SORCS2: variants seen among roughly 807,000 people sequenced by gnomAD.
SORCS2 encodes the protein sortilin related VPS10 domain containing receptor 2.
In SORCS2, 100 loss-of-function variants were observed where a neutral mutation model predicts 141.6. That is an observed-to-expected ratio of 0.71 (90% confidence interval 0.60 to 0.83). SORCS2 has a LOEUF of 0.83. Ranked by LOEUF, SORCS2 falls within the 40% of genes least tolerant of loss-of-function variation. The pLI, the probability that SORCS2 is intolerant of heterozygous loss-of-function variation, is 0.00. For synonymous variants in SORCS2, 789 were observed against 676.9 expected (o/e 1.17, Z -2.57); for missense variants, 1,646 against 1,560.2 (o/e 1.05, Z -0.93).
chr4:7,312,490 T>TC (rs34746859), intron 1 of SORCS2, among the ~76,000 whole-genome samples: 33,950 of 151,976 alleles, frequency 0.22, 4,602 homozygotes, highest in South Asian at 0.47. Context: ...TCATCCTGGC[T>TC]CCCCCTTCTC....
At position 7,740,753 on chromosome 4, in the gene SORCS2, C is replaced by T. The variant is rs1009608704; in HGVS notation, c.*489C>T. The T allele has an allele frequency of 3.1e-6, 1 of 325,738 alleles. No individual in the cohort carries two copies. Among genetic ancestry groups the T allele is most frequent in the Non-Finnish European group, 5.6e-6 (1 of 179,250 alleles). The allele number at this position is 325,738 out of a possible 1,614,324, so 20.2% of individuals were successfully genotyped here. On this transcript the variant is annotated 3_prime_UTR_variant, in exon 27 of 27. Transcript: ENST00000507866. The stretch of plus-strand genomic sequence containing the variant: ...CAGTCCCTCTGTGGGAGCCCGGGTG[C>T]CAGGCCCTCCCAACACCACACCACC...
At chr4:7,447,432 C>T (rs1386347114) in intron 2 of SORCS2, among the ~76,000 whole-genome samples, 1 of 152,200 alleles carries the variant, frequency 6.6e-6, no homozygotes, top group Non-Finnish European at 1.5e-5. Context: ...TGTCCATTTT[C>T]CAGATGGGAA....
chr4:7,236,563 T>C, intron 1 of SORCS2, among the ~76,000 whole-genome samples: 1 of 152,096 alleles, frequency 6.6e-6, no homozygotes, highest in East Asian at 1.9e-4. Context: ...TGTTACCGGT[T>C]TCTTACCATG....
intron 11 of SORCS2, among the ~76,000 whole-genome samples, chr4:7,692,055 C>T (rs1724292786): frequency 1.3e-5 from 2 of 152,200 alleles, no homozygotes; most frequent in Non-Finnish European, 2.9e-5. Context: ...TCTATTCAGT[C>T]TTGGCCAGGG....
chr4:7,263,901 G>T (rs545604329), intron 1 of SORCS2, among the ~76,000 whole-genome samples: 15 of 152,184 alleles, frequency 9.9e-5, no homozygotes, highest in Non-Finnish European at 2.1e-4. Flanking sequence ...CGTTCCCACC[G>T]TGGGCCGTGG....
intron 2 of SORCS2, among the ~76,000 whole-genome samples, chr4:7,485,653 G>A (rs1368016074): frequency 5.9e-5 from 9 of 152,228 alleles, no homozygotes; most frequent in Non-Finnish European, 1.0e-4. Context: ...AGGTTGTACC[G>A]GCCAGGCCGT....
At chr4:7,262,984 T>G (rs923045346) in intron 1 of SORCS2, among the ~76,000 whole-genome samples, 1 of 152,206 alleles carries the variant, frequency 6.6e-6, no homozygotes, top group Non-Finnish European at 1.5e-5. Context: ...CTGCCCAGTT[T>G]GGTCTCAGGG....
At chr4:7,450,357 C>A (rs2109290247) in intron 2 of SORCS2, among the ~76,000 whole-genome samples, 1 of 152,320 alleles carries the variant, frequency 6.6e-6, no homozygotes, top group African/African-American at 2.4e-5. Context: ...GCAGCTGCAG[C>A]CCCTACACCT....
At chr4:7,373,006 G>T (rs79714605) in intron 1 of SORCS2, among the ~76,000 whole-genome samples, 5 of 138,164 alleles carry the variant, frequency 3.6e-5, no homozygotes, top group South Asian at 2.4e-4. Context: ...GGTGGTTTCT[G>T]TTTTTTTTTT....
At chr4:7,565,567 A>ATGATGATGGTGATGAAG (rs1714913074) in intron 3 of SORCS2, among the ~76,000 whole-genome samples, 1 of 152,188 alleles carries the variant, frequency 6.6e-6, no homozygotes, top group African/African-American at 2.4e-5. Context: ...ACCAATCACG[A>ATGATGATGGTGATGAAG]TGATGATGGT....
intron 1 of SORCS2, among the ~76,000 whole-genome samples, chr4:7,301,195 C>A (rs1380972291): frequency 6.6e-6 from 1 of 152,176 alleles, no homozygotes; most frequent in Non-Finnish European, 1.5e-5. Context: ...GCTTTTCCTC[C>A]ACTCATTTCC....
At position 7,725,418 on chromosome 4, in the gene SORCS2, C is replaced by T. The variant is rs1727149224; in HGVS notation, c.2745+131C>T. On this transcript the variant is annotated intron_variant, in intron 20 of 26. Transcript: ENST00000507866. ...AGGGTGCACTCCTCACCCTTGGGCC[C>T]CTCCTGGGGCAGTTGAGAGGGGCAC... The T allele has an allele frequency of 2.3e-6, 3 of 1,320,162 alleles. No individual in the cohort carries two copies. In the Admixed American group the frequency reaches 8.3e-5, roughly 37 times the overall value. 81.8% of individuals were successfully genotyped at this position (1,320,162 alleles called of 1,614,324 possible).
intron 3 of SORCS2, among the ~76,000 whole-genome samples, chr4:7,563,727 G>C (rs902426657): frequency 1.3e-5 from 2 of 152,224 alleles, no homozygotes; most frequent in African/African-American, 4.8e-5. Flanking sequence ...AGATTGCACA[G>C]ATGGAGTTTA....
At chr4:7,506,399 G>A (rs948695106) in intron 2 of SORCS2, among the ~76,000 whole-genome samples, 14 of 152,176 alleles carry the variant, frequency 9.2e-5, no homozygotes, top group East Asian at 7.7e-4. Flanking sequence ...TGGATTTGTC[G>A]TTCTCCAATT....
intron 1 of SORCS2, among the ~76,000 whole-genome samples, chr4:7,387,481 AC>A (rs1471793778): frequency 1.3e-5 from 2 of 150,296 alleles, no homozygotes; most frequent in African/African-American, 2.5e-5. Flanking sequence ...ATACACATGC[AC>A]ATACATACAC....
At chr4:7,575,861 A>T (rs182840963) in intron 3 of SORCS2, among the ~76,000 whole-genome samples, 1 of 152,206 alleles carries the variant, frequency 6.6e-6, no homozygotes, top group African/African-American at 2.4e-5. Context: ...TTAGGGTCCA[A>T]TATTTGTAGT....
intron 1 of SORCS2, among the ~76,000 whole-genome samples, chr4:7,363,211 C>G (rs1369368494): frequency 6.6e-6 from 1 of 151,350 alleles, no homozygotes; most frequent in African/African-American, 2.4e-5. Context: ...ACCACCACCA[C>G]CACCACCATT....
intron 4 of SORCS2, among the ~76,000 whole-genome samples, chr4:7,641,414 C>G (rs1025435545): frequency 1.3e-5 from 2 of 152,174 alleles, no homozygotes; most frequent in African/African-American, 2.4e-5. Flanking sequence ...CATTATCACA[C>G]AAGAACAGCA....
rs117444709 is a variant in SORCS2, at chr4:7,705,143, G to T, written c.1868+859G>T. 2.8e-3 allele frequency among the ~76,000 whole-genome samples: 434 copies of T among 152,316 alleles called. 15 individuals carry two copies. The East Asian group carries it at 0.067, about 23-fold the overall frequency. On this transcript the variant is annotated intron_variant, in intron 14 of 26. Transcript: ENST00000507866. ...TGATCCAATGACTGTGTCCTTACAA[G>T]AGGACACAGAGACACAGGCCTTGGG...
Sources: gnomAD v4.1 joint callset for allele counts (sites outside exome capture counted in the v4.1 genomes callset) on GRCh38, gnomAD v4.1.1 for gene constraint, MANE v1.5 for transcripts, NCBI Gene and HGNC (gene_info 2026-07-23, HGNC 2026-07-21) for gene names.